Variants in FGF12 observed in about 807,000 individuals in gnomAD.
FGF12 encodes fibroblast growth factor 12B.
FGF12 carries 14 observed loss-of-function variants against 23.6 expected under a neutral mutation model. The observed-to-expected ratio is 0.59, with a 90% confidence interval of 0.39 to 0.93. FGF12 has a LOEUF of 0.93. Ranked by LOEUF, FGF12 falls within the 40% of genes least tolerant of loss-of-function variation. The pLI is 0.00. For synonymous variants in FGF12, 62 were observed against 77.3 expected (o/e 0.80, Z 1.04); for missense variants, 175 against 217.8 (o/e 0.80, Z 1.24).
At chr3:192,494,672 C>T (rs1723894105) in intron 2 of FGF12, among the ~76,000 whole-genome samples, 1 of 152,108 alleles carries the variant, frequency 6.6e-6, no homozygotes, top group Non-Finnish European at 1.5e-5. Context: ...GCATGGAATA[C>T]AATGGTACAA....
chr3:192,583,063 C>T (rs147203144), intron 2 of FGF12, among the ~76,000 whole-genome samples: 20 of 152,342 alleles, frequency 1.3e-4, no homozygotes, highest in Non-Finnish European at 2.9e-4. Flanking sequence ...GGTCACATCA[C>T]ATCTCCTCCA....
intron 4 of FGF12, among the ~76,000 whole-genome samples, chr3:192,313,392 A>G (rs1461432880): frequency 1.3e-5 from 2 of 152,206 alleles, no homozygotes; most frequent in African/African-American, 4.8e-5. Context: ...TTTTCATGGT[A>G]GAGCTTTCAG....
chr3:192,599,866 A>C (rs915110476), intron 2 of FGF12, among the ~76,000 whole-genome samples: 1 of 152,124 alleles, frequency 6.6e-6, no homozygotes. Flanking sequence ...AAAAGTGTGG[A>C]GATAGTAAAG....
chr3:192,154,669 G>C (rs1165636079), intron 5 of FGF12, among the ~76,000 whole-genome samples: 1 of 143,064 alleles, frequency 7.0e-6, no homozygotes, highest in Non-Finnish European at 1.5e-5. Flanking sequence ...TAGTCTGCCC[G>C]TTCTCAGATC....
intron 3 of FGF12, among the ~76,000 whole-genome samples, chr3:192,341,010 G>C (rs1250047053): frequency 6.6e-6 from 1 of 152,064 alleles, no homozygotes; most frequent in African/African-American, 2.4e-5. Flanking sequence ...ACAATCAACA[G>C]AATGAAAAGG....
chr3:192,472,926 A>G (rs1414995142), intron 2 of FGF12, among the ~76,000 whole-genome samples: 1 of 152,180 alleles, frequency 6.6e-6, no homozygotes, highest in Non-Finnish European at 1.5e-5. Flanking sequence ...CCATTATTCA[A>G]AATTCTGTTC....
chr3:192,261,049 A>C (rs1029922789), intron 4 of FGF12, among the ~76,000 whole-genome samples: 1 of 152,108 alleles, frequency 6.6e-6, no homozygotes, highest in Non-Finnish European at 1.5e-5. Flanking sequence ...AAGGAACCTC[A>C]CCACAAAGAG....
intron 2 of FGF12, among the ~76,000 whole-genome samples, chr3:192,530,154 T>C (rs1725051070): frequency 6.6e-6 from 1 of 152,100 alleles, no homozygotes; most frequent in African/African-American, 2.4e-5. Flanking sequence ...GACATCTACA[T>C]TCTCTTTTGA....
intron 5 of FGF12, among the ~76,000 whole-genome samples, chr3:192,161,277 T>G (rs1368161819): frequency 6.6e-6 from 1 of 152,112 alleles, no homozygotes; most frequent in Non-Finnish European, 1.5e-5. Flanking sequence ...GGCCTAGCAA[T>G]CTATGCTTTA....
At chr3:192,261,096 A>G (rs979197818) in intron 4 of FGF12, among the ~76,000 whole-genome samples, 8 of 152,154 alleles carry the variant, frequency 5.3e-5, no homozygotes, top group African/African-American at 1.4e-4. Flanking sequence ...GGGGCTGAGG[A>G]AGGAGCCACA....
chr3:192,445,827 A>G (rs1332409262), intron 2 of FGF12, among the ~76,000 whole-genome samples: 1 of 152,118 alleles, frequency 6.6e-6, no homozygotes, highest in Non-Finnish European at 1.5e-5. Flanking sequence ...ACCTTCCCTA[A>G]AGTGGCAGAA....
intron 2 of FGF12, among the ~76,000 whole-genome samples, chr3:192,679,913 C>A (rs777248674): frequency 5.1e-4 from 78 of 152,246 alleles, no homozygotes; most frequent in Middle Eastern, 6.8e-3. Flanking sequence ...TGAGCTGGGG[C>A]AGCATAAAAT....
In FGF12 at chr3:192,170,781, A is replaced by G. The variant is rs75996617; in HGVS notation, c.229-125T>C. 41,135 of 774,086 alleles carry G rather than the reference A, an allele frequency of 0.053. 1,499 individuals carry two copies. Among genetic ancestry groups the G allele is most frequent in the African/African-American group, 0.14 (7,840 of 57,288 alleles). The allele number at this position is 774,086 out of a possible 1,614,324, so 48.0% of individuals were successfully genotyped here. On this transcript the variant is annotated intron_variant, in intron 4 of 5. Coordinates refer to ENST00000445105, the MANE Select transcript of FGF12 (RefSeq NM_004113.6). Reference sequence around the variant, plus strand: ...AAGAACAAATGAAAGGCAATGACACATAGTTTCTATTAGCCTTTGGTTACA... The same window carrying G: ...AAGAACAAATGAAAGGCAATGACACGTAGTTTCTATTAGCCTTTGGTTACA...
intron 2 of FGF12, among the ~76,000 whole-genome samples, chr3:192,702,511 G>A (rs534461577): frequency 5.3e-4 from 80 of 152,246 alleles, no homozygotes; most frequent in African/African-American, 1.9e-3. Flanking sequence ...AATGTAAAAA[G>A]GCCAGGCACA....
intron 2 of FGF12, among the ~76,000 whole-genome samples, chr3:192,536,236 G>A (rs541075746): frequency 6.6e-6 from 1 of 152,236 alleles, no homozygotes; most frequent in African/African-American, 2.4e-5. Flanking sequence ...AACCTGAGTC[G>A]AGTGATTGTG....
rs1374048994 is a variant in FGF12 at position 192,181,627 on chromosome 3, TTG to T, written c.229-10973_229-10972del. On this transcript the variant is annotated intron_variant, in intron 4 of 5. Coordinates refer to ENST00000445105, the MANE Select transcript of FGF12 (RefSeq NM_004113.6). Reference sequence around the variant, plus strand: ...AGATGTTAAAATTAAGAGAAGTAATTTGTTTTTTTTTTTTTTTTTTGACACAG... The same window carrying T: ...AGATGTTAAAATTAAGAGAAGTAATTTTTTTTTTTTTTTTTTTTGACACAG... Among the ~76,000 whole-genome samples the T allele has an allele frequency of 2.0e-5, 3 of 147,004 alleles. No individual in the cohort carries two copies. The East Asian group carries it at 6.2e-4, about 30-fold the overall frequency.
At chr3:192,472,689 C>T (rs527592911) in intron 2 of FGF12, among the ~76,000 whole-genome samples, 2 of 152,242 alleles carry the variant, frequency 1.3e-5, no homozygotes, top group East Asian at 3.9e-4. Flanking sequence ...TCACACTCTG[C>T]TCCAGGAAGA....
At chr3:192,235,525 T>A (rs34804294) in intron 4 of FGF12, among the ~76,000 whole-genome samples, 330 of 152,262 alleles carry the variant, frequency 2.2e-3, no homozygotes, top group Non-Finnish European at 3.7e-3. Flanking sequence ...GGTTTCACCA[T>A]GTTGGCCAGG....
chr3:192,725,950 A>C (rs548689983), intron 2 of FGF12, among the ~76,000 whole-genome samples: 1 of 152,340 alleles, frequency 6.6e-6, no homozygotes, highest in African/African-American at 2.4e-5. Flanking sequence ...TCAATGTATC[A>C]TAAGAATAAT....
Sources: allele counts gnomAD v4.1 joint callset (sites outside exome capture counted in the v4.1 genomes callset), GRCh38; gene constraint gnomAD v4.1.1; transcripts MANE v1.5; gene names NCBI Gene and HGNC (gene_info 2026-07-23, HGNC 2026-07-21).